The following DLG2 variants were observed in gnomAD, a reference collection of about 807,000 sequenced individuals.
The protein encoded by DLG2 is disks large homolog 2.
Under a neutral mutation model 132.5 loss-of-function variants are expected in DLG2, and 45 were observed. The observed-to-expected ratio is 0.34, with a 90% CI of 0.27 to 0.44. The LOEUF is 0.44. Ranked by LOEUF, DLG2 falls within the 20% of genes least tolerant of loss-of-function variation. The pLI is 1.00. For synonymous variants in DLG2, 424 were observed against 419.6 expected (o/e 1.01, Z -0.13); for missense variants, 1,045 against 1,196.9 (o/e 0.87, Z 1.87).
intron 6 of DLG2, among the ~76,000 whole-genome samples, chr11:84,903,217 C>A (rs2091111659): frequency 6.6e-6 from 1 of 152,120 alleles, no homozygotes; most frequent in Non-Finnish European, 1.5e-5. Context: ...ATACAAAGAC[C>A]TTCACAAGAT....
chr11:84,061,519 G>A (rs1325881118), intron 10 of DLG2, among the ~76,000 whole-genome samples: 2 of 152,090 alleles, frequency 1.3e-5, no homozygotes, highest in Admixed American at 1.3e-4. Context: ...TTTGATTTCA[G>A]GTCTTCCTAT....
chr11:85,603,754 A>G (rs938102120), intron 2 of DLG2, among the ~76,000 whole-genome samples: 1 of 151,896 alleles, frequency 6.6e-6, no homozygotes, highest in Non-Finnish European at 1.5e-5. Flanking sequence ...TTTCTCTACA[A>G]CAAAATTTTA....
At chr11:85,160,673 G>GT (rs997860870) in intron 4 of DLG2, among the ~76,000 whole-genome samples, 1 of 152,144 alleles carries the variant, frequency 6.6e-6, no homozygotes, top group Admixed American at 6.5e-5. Flanking sequence ...GCACAAGTAA[G>GT]TTACATGAGG....
At position 83,695,517 on chromosome 11, in the gene DLG2, T is replaced by C. The variant is rs944839807; in HGVS notation, c.1826-62192A>G. On this transcript the variant is annotated intron_variant, in intron 18 of 27. Transcript: ENST00000376104. The stretch of plus-strand genomic sequence containing the variant: ...CAGCACTTTGGGAGGCCGAGGTGGG[T>C]GGATCACCTGACGTCAGGAGCTCGA... 4.6e-5 allele frequency among the ~76,000 whole-genome samples: 7 copies of C among 152,170 alleles called. No individual in the cohort carries two copies. The East Asian group carries it at 1.4e-3, about 30-fold the overall frequency.
chr11:84,227,685 G>A (rs1184662831), intron 8 of DLG2, among the ~76,000 whole-genome samples: 1 of 152,068 alleles, frequency 6.6e-6, no homozygotes, highest in East Asian at 1.9e-4. Flanking sequence ...ACTTTGGGAG[G>A]CCAATGTAGG....
At chr11:84,323,654 A>C (rs1403951299) in intron 7 of DLG2, among the ~76,000 whole-genome samples, 2 of 151,706 alleles carry the variant, frequency 1.3e-5, no homozygotes, top group Admixed American at 6.6e-5. Flanking sequence ...TACATTCCCC[A>C]AAACAATGCA....
chr11:83,968,477 T>A (rs1363615795), intron 12 of DLG2, among the ~76,000 whole-genome samples: 1 of 152,230 alleles, frequency 6.6e-6, no homozygotes, highest in Non-Finnish European at 1.5e-5. Flanking sequence ...ACTGCATACC[T>A]GTTATGTGTC....
At chr11:84,815,788 C>T (rs1402502295) in intron 6 of DLG2, among the ~76,000 whole-genome samples, 2 of 151,982 alleles carry the variant, frequency 1.3e-5, no homozygotes, top group African/African-American at 4.8e-5. Flanking sequence ...GGGAGGAATG[C>T]ATAAAATGGG....
chr11:84,648,542 T>G (rs1389286290), intron 6 of DLG2, among the ~76,000 whole-genome samples: 1 of 152,142 alleles, frequency 6.6e-6, no homozygotes, highest in Non-Finnish European at 1.5e-5. Context: ...ATGTTGAAAT[T>G]TGATACCCAA....
At chr11:84,924,555 G>T (rs751754177) in intron 6 of DLG2, among the ~76,000 whole-genome samples, 2 of 152,198 alleles carry the variant, frequency 1.3e-5, no homozygotes, top group Non-Finnish European at 2.9e-5. Context: ...GCTTCAGGAG[G>T]AAGAAAGGTA....
At chr11:85,214,007 T>C (rs1284725399) in intron 4 of DLG2, among the ~76,000 whole-genome samples, 1 of 152,132 alleles carries the variant, frequency 6.6e-6, no homozygotes. Context: ...GCTCTGCATC[T>C]TACCTGCTCC....
intron 6 of DLG2, among the ~76,000 whole-genome samples, chr11:84,967,797 C>A (rs879601927): frequency 6.6e-6 from 1 of 152,060 alleles, no homozygotes; most frequent in Non-Finnish European, 1.5e-5. Context: ...GGAAAAATCA[C>A]ACAATGAGTA....
intron 19 of DLG2, among the ~76,000 whole-genome samples, chr11:83,608,756 AG>A (rs2059703908): frequency 6.6e-6 from 1 of 152,014 alleles, no homozygotes; most frequent in African/African-American, 2.4e-5. Flanking sequence ...AGAGAAAGAG[AG>A]AGAGAGATCC....
chr11:85,233,229 G>T (rs1277888402), intron 4 of DLG2, among the ~76,000 whole-genome samples: 1 of 151,304 alleles, frequency 6.6e-6, no homozygotes, highest in Non-Finnish European at 1.5e-5. Context: ...TCTGCGTATT[G>T]TTTTTTTTCT....
At chr11:85,148,398 C>G (rs774438019) in intron 5 of DLG2, among the ~76,000 whole-genome samples, 3 of 152,128 alleles carry the variant, frequency 2.0e-5, no homozygotes, top group Non-Finnish European at 4.4e-5. Context: ...TGTTTCTCCA[C>G]AGCCTCACCA....
chr11:84,168,451 G>A (rs1345603311), intron 8 of DLG2, among the ~76,000 whole-genome samples: 1 of 152,152 alleles, frequency 6.6e-6, no homozygotes, highest in East Asian at 1.9e-4. Context: ...TGGACTTTGG[G>A]AGGAATGTGA....
At chr11:84,736,879 A>G (rs1433058452) in intron 6 of DLG2, among the ~76,000 whole-genome samples, 2 of 152,086 alleles carry the variant, frequency 1.3e-5, no homozygotes, top group African/African-American at 4.8e-5. Context: ...ATGCTGGTTA[A>G]AACATCCAGA....
At chr11:84,392,221 C>T (rs1306702917) in intron 7 of DLG2, among the ~76,000 whole-genome samples, 7 of 152,108 alleles carry the variant, frequency 4.6e-5, no homozygotes, top group African/African-American at 1.7e-4. Context: ...CTTAGTTGTT[C>T]GCTTTTTGTT....
chr11:83,743,058 T>C (rs2092648606), intron 18 of DLG2, among the ~76,000 whole-genome samples: 2 of 152,194 alleles, frequency 1.3e-5, no homozygotes, highest in South Asian at 2.1e-4. Flanking sequence ...GCATTAATAA[T>C]GACTAAAAAG....
Sources: gnomAD v4.1 joint callset for allele counts (sites outside exome capture counted in the v4.1 genomes callset) on GRCh38, gnomAD v4.1.1 for gene constraint, MANE v1.5 for transcripts, NCBI Gene and HGNC (gene_info 2026-07-23, HGNC 2026-07-21) for gene names.